The following FAM186A variants were observed in gnomAD, a reference collection of about 807,000 sequenced individuals.
FAM186A encodes the protein protein FAM186A.
A neutral mutation model predicts 216.8 loss-of-function variants in FAM186A; 163 were observed. The ratio of observed to expected loss-of-function variants is 0.75; its 90% CI spans 0.66 to 0.86. The LOEUF is 0.86. Among genes scored for constraint, FAM186A ranks in the 40% least tolerant of loss-of-function variants. The pLI is 0.00. For synonymous variants in FAM186A, 805 were observed against 1,025.3 expected (o/e 0.79, Z 4.10); for missense variants, 2,184 against 2,746.2 (o/e 0.80, Z 4.58).
intron 3 of FAM186A, among the ~76,000 whole-genome samples, chr12:50,359,175 G>A (rs912246730): frequency 6.6e-6 from 1 of 151,946 alleles, no homozygotes; most frequent in African/African-American, 2.4e-5. Flanking sequence ...GAGGCGGGTG[G>A]ATCACCTGAG....
intron 1 of FAM186A, among the ~76,000 whole-genome samples, chr12:50,389,563 A>C (rs1409188153): frequency 6.6e-6 from 1 of 152,184 alleles, no homozygotes; most frequent in African/African-American, 2.4e-5. Flanking sequence ...CTGGCAAATT[A>C]ATATACTCCT....
chr12:50,376,125 A>C (rs910662846), intron 1 of FAM186A, among the ~76,000 whole-genome samples: 3 of 152,152 alleles, frequency 2.0e-5, no homozygotes, highest in Non-Finnish European at 4.4e-5. Context: ...GGATGAGGGA[A>C]ACTCAGTGGT....
At chr12:50,393,418 T>C (rs1943382564) in intron 1 of FAM186A, among the ~76,000 whole-genome samples, 1 of 151,780 alleles carries the variant, frequency 6.6e-6, no homozygotes, top group Non-Finnish European at 1.5e-5. Flanking sequence ...GTGCCTGTTG[T>C]CTAGTCTCAG....
chr12:50,385,488 C>T lies in FAM186A; in HGVS notation c.192+10805G>A, dbSNP rs146786139. Reference sequence around the variant, plus strand: ...AGGGGAAAAGTTCCATGACATTGTTCTAGACAATGATTTTTGTATATGGTT... The same window carrying T: ...AGGGGAAAAGTTCCATGACATTGTTTTAGACAATGATTTTTGTATATGGTT... On this transcript the variant is annotated intron_variant, in intron 1 of 7. Coordinates refer to ENST00000327337, the MANE Select transcript of FAM186A (RefSeq NM_001145475.3). 2.5e-3 allele frequency among the ~76,000 whole-genome samples: 383 copies of T among 150,718 alleles called. 1 individual carries two copies. The highest frequency in any genetic ancestry group is 8.9e-3 in the African/African-American group (364 of 41,056).
intron 1 of FAM186A, among the ~76,000 whole-genome samples, chr12:50,388,077 G>C (rs571592387): frequency 4.6e-5 from 7 of 152,212 alleles, no homozygotes; most frequent in Middle Eastern, 3.4e-3. Flanking sequence ...ACATAGTTAT[G>C]GTTGATTAAA....
rs1942875291 is a variant in FAM186A, at chr12:50,351,242, G to A, written c.5590C>T (p.Pro1864Ser). 1.9e-6 allele frequency: 3 copies of A among 1,551,522 alleles called. No individual in the cohort carries two copies. The highest frequency in any genetic ancestry group is 2.6e-6 in the Non-Finnish European group (3 of 1,146,910). ...APLSPGQPLV[P>S]EASSIPGDLL... The stretch of plus-strand genomic sequence containing the variant: ...TCCCCAGGGATGGAAGAGGCTTCAG[G>A]AACTAAGGGCTGCCCAGGAGAAAGA... Residue 1864 changes from proline (P) to serine (S), a missense_variant, in exon 4 of 8, where the codon CCT becomes TCT. Physicochemically the swap from Pro to Ser is moderately conservative, Grantham distance 74. Around this residue, in one of 7 missense-constraint regions of FAM186A, gnomAD observed 721 missense variants for 816.4 expected, o/e 0.88. Coordinates refer to ENST00000327337, the MANE Select transcript of FAM186A (RefSeq NM_001145475.3).
intron 1 of FAM186A, among the ~76,000 whole-genome samples, chr12:50,372,634 T>G (rs1592625478): frequency 6.8e-6 from 1 of 147,924 alleles, no homozygotes; most frequent in Non-Finnish European, 1.5e-5. Context: ...GGCACGGTGG[T>G]TCACATCTGT....
chr12:50,391,929 CCCATG>C (rs544934052), intron 1 of FAM186A, among the ~76,000 whole-genome samples: 2 of 152,082 alleles, frequency 1.3e-5, no homozygotes, highest in African/African-American at 2.4e-5. Flanking sequence ...CCAGAAACAG[CCCATG>C]CCATGCCATG....
chr12:50,361,286 C>T (rs1251934112), intron 2 of FAM186A, among the ~76,000 whole-genome samples: 1 of 152,224 alleles, frequency 6.6e-6, no homozygotes, highest in Non-Finnish European at 1.5e-5. Context: ...GCAACCTCTG[C>T]CTCCCAGGTT....
chr12:50,350,269 ACAGAAAATATTTG>A, intron 4 of FAM186A, 47 bp downstream of exon 4: 1 of 1,378,336 alleles, frequency 7.3e-7, no homozygotes, highest in Non-Finnish European at 9.7e-7. Context: ...TGGGACAATG[ACAGAAAATATTTG>A]CAATCAGAAC....
chr12:50,360,831 C>T lies in FAM186A; in HGVS notation c.508G>A (p.Glu170Lys), dbSNP rs1943026941. The change falls in exon 3 of 8, where the codon GAG becomes AAG. Residue 170 changes from glutamate to lysine, a missense_variant. By Grantham distance (56) the Glu-to-Lys change is moderately conservative. Coordinates refer to ENST00000327337, the MANE Select transcript of FAM186A (RefSeq NM_001145475.3). ...ELLPDTLKAI[E>K]NNVKILSRFS... ...CTGCTTAGTATCTTGACATTGTTCTCAATAGCTTTTAACGTGTCCGGTAAC... is the reference window on the plus strand; with the variant it reads ...CTGCTTAGTATCTTGACATTGTTCTTAATAGCTTTTAACGTGTCCGGTAAC... 6.4e-7 allele frequency: 1 copy of T among 1,551,024 alleles called. No individual in the cohort carries two copies. Among genetic ancestry groups the T allele is most frequent in the Non-Finnish European group, 8.7e-7 (1 of 1,146,740 alleles).
chr12:50,374,082 A>G (rs1233820911), intron 1 of FAM186A, among the ~76,000 whole-genome samples: 3 of 147,126 alleles, frequency 2.0e-5, no homozygotes, highest in South Asian at 2.1e-4. Flanking sequence ...ATTCTCACTC[A>G]TAGGTGGGAA....
At chr12:50,383,996 T>C (rs1352219514) in intron 1 of FAM186A, among the ~76,000 whole-genome samples, 1 of 152,074 alleles carries the variant, frequency 6.6e-6, no homozygotes, top group African/African-American at 2.4e-5. Context: ...CACATGCCTA[T>C]AGTCCCAGCT....
chr12:50,346,119 C>T (rs1222360320), intron 4 of FAM186A, among the ~76,000 whole-genome samples: 1 of 141,334 alleles, frequency 7.1e-6, no homozygotes, highest in East Asian at 2.1e-4. Context: ...TGCAGTGAGC[C>T]AAGATTGCAC....
At chr12:50,391,936 C>T (rs1943360860) in intron 1 of FAM186A, among the ~76,000 whole-genome samples, 1 of 152,074 alleles carries the variant, frequency 6.6e-6, no homozygotes. Flanking sequence ...CAGCCCATGC[C>T]ATGCCATGCC....
chr12:50,341,635 G>C (rs2138764806), intron 4 of FAM186A, among the ~76,000 whole-genome samples: 1 of 152,232 alleles, frequency 6.6e-6, no homozygotes, highest in South Asian at 2.1e-4. Context: ...AGGAGTTCGA[G>C]ACCAACCTGG....
intron 3 of FAM186A, among the ~76,000 whole-genome samples, chr12:50,357,363 G>A (rs4445717): frequency 0.63 from 95,264 of 151,620 alleles, 30,663 homozygotes; most frequent in East Asian, 0.74. Flanking sequence ...TTAGCCAGGC[G>A]TGGTGGCGCA....
chr12:50,365,664 C>A, intron 1 of FAM186A: 1 of 700,254 alleles, frequency 1.4e-6, no homozygotes, highest in Admixed American at 1.9e-5. Context: ...GAAGTTCAGT[C>A]CCTTTGTGAC....
At position 50,344,652 on chromosome 12, in the gene FAM186A, G is replaced by A. The variant is rs116998669; in HGVS notation, c.6503+5677C>T. Among the ~76,000 whole-genome samples the A allele has an allele frequency of 2.5e-3, 386 of 152,210 alleles. 10 individuals are homozygous for A. The East Asian group carries it at 0.063, about 25-fold the overall frequency. On this transcript the variant is annotated intron_variant, in intron 4 of 7. Coordinates refer to ENST00000327337, the MANE Select transcript of FAM186A (RefSeq NM_001145475.3). ...CAGTAATGGGATTGCTGGGTCAAGT[G>A]GTAGATCTATTTTAAGTTCTTCGAG... is the stretch of plus-strand genomic sequence containing the variant.
Sources: gnomAD v4.1 joint callset for allele counts (sites outside exome capture counted in the v4.1 genomes callset) on GRCh38, gnomAD v4.1.1 for gene constraint, gnomAD v4.1.1 regional missense constraint, MANE v1.5 for transcripts, NCBI Gene and HGNC (gene_info 2026-07-23, HGNC 2026-07-21) for gene names.